TAS1R3: variants seen among roughly 807,000 people sequenced by gnomAD.
The protein encoded by TAS1R3 is taste 1 receptor member 3, also known as taste receptor type 1 member 3.
Under a neutral mutation model 46.1 loss-of-function variants are expected in TAS1R3, and 58 were observed. The observed-to-expected ratio is 1.26, with a 90% CI of 1.02 to 1.57. TAS1R3 has a LOEUF of 1.57. TAS1R3 is among the 40% of genes most tolerant of loss of function. The probability of loss-of-function intolerance (pLI) is 0.00; values close to 1 mark genes in which losing one functional copy is unlikely to be tolerated. For missense variants in TAS1R3, 1,422 were observed against 1,185.8 expected, an observed-to-expected ratio of 1.20 and a Z score of -2.93; for synonymous variants, 724 against 544.7, an observed-to-expected ratio of 1.33 and a Z score of -4.58.
rs548456115 is a variant in TAS1R3, at chr1:1,332,739, C to T, written c.1208C>T (p.Ala403Val). Residue 403 changes from alanine (A) to valine (V), a missense_variant, in exon 3 of 6, where the codon GCC becomes GTC. Ala to Val is a moderately conservative substitution (Grantham distance 64). Coordinates refer to ENST00000339381, the MANE Select transcript of TAS1R3 (RefSeq NM_152228.3). ...GCAGCTGTGTATAGCGTGGCCCAGG[C>T]CCTGCACAACACTCTTCAGTGCAAC... ...VYAAVYSVAQALHNTLQCNAS... is the reference protein window; with the variant it reads ...VYAAVYSVAQVLHNTLQCNAS... 1.4e-5 allele frequency: 23 copies of T among 1,604,974 alleles called. No homozygotes were observed. In the East Asian group the frequency reaches 4.9e-4, roughly 34 times the overall value.
chr1:1,333,422 G>A (rs778107150), intron 5 of TAS1R3, 43 bp downstream of exon 5: 3 of 1,609,584 alleles, frequency 1.9e-6, no homozygotes, highest in East Asian at 4.5e-5. Context: ...ACGCAGCAGG[G>A]GAGGGTCCTG....
Position 1,332,228 on chromosome 1 carries a change from C to T in TAS1R3, c.697C>T (p.Arg233Cys), listed in dbSNP as rs201779076. Reference sequence around the variant, plus strand: ...CATCTTCTCGGCCCTGGCCGCGGCACGCGGCATCTGCATCGCGCACGAGGG... The same window carrying T: ...CATCTTCTCGGCCCTGGCCGCGGCATGCGGCATCTGCATCGCGCACGAGGG... The part of the protein sequence containing the change: ...LSIFSALAAA[R>C]GICIAHEGLV... The change falls in exon 3 of 6, where the codon CGC becomes TGC. Residue 233 changes from arginine (R) to cysteine (C), a missense_variant. Arg to Cys is a radical substitution (Grantham distance 180). Coordinates refer to ENST00000339381, the MANE Select transcript of TAS1R3 (RefSeq NM_152228.3). 1.5e-4 allele frequency: 240 copies of T among 1,593,042 alleles called. 1 individual carries two copies. The African/African-American group carries it at 2.7e-3, about 18-fold the overall frequency.
chr1:1,334,614 G>A lies in TAS1R3; in HGVS notation c.*150G>A, dbSNP rs536636748. ...GACCCTGACCCCACAGTGAGCCCTA[G>A]GCCTGGAGCACGTGGACACCCCTGT... On this transcript the variant is annotated 3_prime_UTR_variant, in exon 6 of 6. Coordinates refer to ENST00000339381, the MANE Select transcript of TAS1R3 (RefSeq NM_152228.3). 3.1e-4 allele frequency: 273 copies of A among 885,314 alleles called. 1 individual carries two copies. In the Middle Eastern group the frequency reaches 3.5e-3, roughly 11 times the overall value. 54.8% of individuals were successfully genotyped at this position (885,314 alleles called of 1,614,324 possible). A position where few individuals can be genotyped will look rare whatever the true frequency, so the allele number is the denominator to read the frequency against.
In TAS1R3 at chr1:1,331,297, C is replaced by T. The variant is rs976818240; in HGVS notation, c.-49C>T. 2.0e-6 allele frequency: 3 copies of T among 1,518,698 alleles called. No homozygotes were observed. The highest frequency in any genetic ancestry group is 1.3e-5 in the South Asian group (1 of 76,836). 94.1% of individuals were successfully genotyped at this position (1,518,698 alleles called of 1,614,324 possible). Reference sequence around the variant, plus strand: ...CGCCCCGGGCTCACTCCATGTGAGGCCCCAGTCGGGGCAGCCACCTGCCGT... The same window carrying T: ...CGCCCCGGGCTCACTCCATGTGAGGTCCCAGTCGGGGCAGCCACCTGCCGT... On this transcript the variant is annotated 5_prime_UTR_variant, in exon 1 of 6. Transcript: ENST00000339381.
At position 1,333,591 on chromosome 1, in the gene TAS1R3, G is replaced by A; in HGVS notation, c.1686G>A (p.Leu562=). The part of the protein sequence containing the change: ...TRCFRRRSRF[L]AWGEPAVLLL... The stretch of plus-strand genomic sequence containing the variant: ...GCTTCCGCCGCAGGTCTCGGTTCCT[G>A]GCATGGGGCGAGCCGGCTGTGCTGC... The change falls in exon 6 of 6, where the codon CTG becomes CTA. Residue 562 remains leucine (L), a synonymous_variant. Coordinates refer to ENST00000339381, the MANE Select transcript of TAS1R3 (RefSeq NM_152228.3). The A allele has an allele frequency of 6.2e-7, 1 of 1,608,744 alleles. No homozygotes were observed. Among genetic ancestry groups the A allele is most frequent in the Non-Finnish European group, 8.5e-7 (1 of 1,179,934 alleles).
In TAS1R3 at chr1:1,333,747, G is replaced by A; in HGVS notation, c.1842G>A (p.Leu614=). 6.2e-7 allele frequency: 1 copy of A among 1,601,788 alleles called. No homozygotes were observed. The highest frequency in any genetic ancestry group is 8.5e-7 in the Non-Finnish European group (1 of 1,176,296). ...GPLACFGLVC[L]GLVCLSVLLF... ...TGGCCTGCTTTGGCCTGGTGTGCCT[G>A]GGCCTGGTCTGCCTCAGCGTCCTCC... The change falls in exon 6 of 6, where the codon CTG becomes CTA. Residue 614 remains leucine, a synonymous_variant. Transcript: ENST00000339381.
At position 1,332,092 on chromosome 1, in the gene TAS1R3, G is replaced by A; in HGVS notation, c.561G>A (p.Val187=). The change falls in exon 3 of 6, where the codon GTG becomes GTA. Residue 187 remains valine (V), a synonymous_variant. Coordinates refer to ENST00000339381, the MANE Select transcript of TAS1R3 (RefSeq NM_152228.3). Reference sequence around the variant, plus strand: ...CCTTCCCCTCCTTCTTCCGCACCGTGCCCAGCGACCGTGTGCAGCTGACGG... The same window carrying A: ...CCTTCCCCTCCTTCTTCCGCACCGTACCCAGCGACCGTGTGCAGCTGACGG... The part of the protein sequence containing the change: ...RETFPSFFRT[V]PSDRVQLTAA... 6 of 1,601,396 alleles carry A rather than the reference G, an allele frequency of 3.7e-6. No homozygotes were observed. Among genetic ancestry groups the A allele is most frequent in the African/African-American group, 1.3e-5 (1 of 75,036 alleles).
chr1:1,334,144 G>A lies in TAS1R3; in HGVS notation c.2239G>A (p.Gly747Ser). Residue 747 changes from glycine (G) to serine (S), a missense_variant, in exon 6 of 6, where the codon GGC (glycine) becomes AGC (serine). Gly to Ser is a moderately conservative substitution (Grantham distance 56). Coordinates refer to ENST00000339381, the MANE Select transcript of TAS1R3 (RefSeq NM_152228.3). ...CACGCTGGCCTTTCTCTGCTTCCTG[G>A]GCACTTTCCTGGTGCGGAGCCAGCC... ...NATLAFLCFL[G>S]TFLVRSQPGC... The A allele has an allele frequency of 6.3e-7, 1 of 1,583,138 alleles. No homozygotes were observed. The highest frequency in any genetic ancestry group is 8.6e-7 in the Non-Finnish European group (1 of 1,164,566).
chr1:1,333,675 C>T lies in TAS1R3; in HGVS notation c.1770C>T (p.Phe590=), dbSNP rs1286228062. The T allele has an allele frequency of 4.3e-6, 7 of 1,611,840 alleles. No homozygotes were observed. The highest frequency in any genetic ancestry group is 3.3e-4 in the Middle Eastern group (2 of 6,074). ...LGLVLAALGL[F]VHHRDSPLVQ... Reference sequence around the variant, plus strand: ...TTGTGCTGGCTGCTTTGGGGCTGTTCGTTCACCATCGGGACAGCCCACTGG... The same window carrying T: ...TTGTGCTGGCTGCTTTGGGGCTGTTTGTTCACCATCGGGACAGCCCACTGG... Residue 590 remains phenylalanine, a synonymous_variant, in exon 6 of 6, where the codon TTC becomes TTT. Transcript: ENST00000339381.
In TAS1R3 at chr1:1,332,786, G is replaced by A. The variant is rs1016288492; in HGVS notation, c.1255G>A (p.Asp419Asn). The A allele has an allele frequency of 3.1e-6, 5 of 1,605,356 alleles. No individual in the cohort carries two copies. Among genetic ancestry groups the A allele is most frequent in the Middle Eastern group, 3.3e-4 (2 of 6,078 alleles). Residue 419 changes from aspartate to asparagine, a missense_variant, in exon 3 of 6, where the codon GAC becomes AAC. Coordinates refer to ENST00000339381, the MANE Select transcript of TAS1R3 (RefSeq NM_152228.3). ...CAACGCCTCAGGCTGCCCCGCGCAG[G>A]ACCCCGTGAAGCCCTGGCAGGTGAG... is the stretch of plus-strand genomic sequence containing the variant. Reference protein sequence around the residue: ...QCNASGCPAQDPVKPWQLLEN... With the variant: ...QCNASGCPAQNPVKPWQLLEN...
Position 1,332,792 on chromosome 1 carries a change from G to C in TAS1R3, c.1261G>C (p.Val421Leu). The part of the protein sequence containing the change: ...NASGCPAQDP[V>L]KPWQLLENMY... ...CTCAGGCTGCCCCGCGCAGGACCCC[G>C]TGAAGCCCTGGCAGGTGAGCCCGGG... The change falls in exon 3 of 6, where the codon GTG becomes CTG. Residue 421 changes from valine to leucine, a missense_variant. Transcript: ENST00000339381. 6.2e-7 allele frequency: 1 copy of C among 1,604,540 alleles called. No homozygotes were observed. Among genetic ancestry groups the C allele is most frequent in the Non-Finnish European group, 8.5e-7 (1 of 1,177,236 alleles).
chr1:1,331,944 C>T lies in TAS1R3; in HGVS notation c.492+6C>T, dbSNP rs369216792. The T allele has an allele frequency of 2.0e-5, 32 of 1,599,912 alleles. 1 individual carries two copies. The highest frequency in any genetic ancestry group is 5.5e-5 in the South Asian group (5 of 90,874). ...GCTTCTTCCTCATGCCCCAGGTGGG[C>T]GCCCCCCACCATCACCCACCCCCAC... On this transcript the variant is annotated splice_donor_region_variant and intron_variant, in intron 2 of 5. Coordinates refer to ENST00000339381, the MANE Select transcript of TAS1R3 (RefSeq NM_152228.3).
chr1:1,332,370 C>T lies in TAS1R3; in HGVS notation c.839C>T (p.Ala280Val), dbSNP rs1434444161. The change falls in exon 3 of 6, where the codon GCC (alanine) becomes GTC (valine). Residue 280 changes from alanine (A) to valine (V), a missense_variant. Coordinates refer to ENST00000339381, the MANE Select transcript of TAS1R3 (RefSeq NM_152228.3). ...VVLLFASVHAAHALFNYSISS... is the reference protein window; with the variant it reads ...VVLLFASVHAVHALFNYSISS... Reference sequence around the variant, plus strand: ...CTGCTGTTCGCCTCCGTGCACGCCGCCCACGCCCTCTTCAACTACAGCATC... The same window carrying T: ...CTGCTGTTCGCCTCCGTGCACGCCGTCCACGCCCTCTTCAACTACAGCATC... 6.2e-7 allele frequency: 1 copy of T among 1,600,196 alleles called. No homozygotes were observed. Among genetic ancestry groups the T allele is most frequent in the Non-Finnish European group, 8.5e-7 (1 of 1,174,688 alleles).
In TAS1R3 at chr1:1,332,311, G is replaced by A. The variant is rs765149357; in HGVS notation, c.780G>A (p.Leu260=). Residue 260 remains leucine (L), a synonymous_variant, in exon 3 of 6, where the codon CTG becomes CTA. Transcript: ENST00000339381. ...GGCTGGGGAAGGTGCAGGACGTCCT[G>A]CACCAGGTGAACCAGAGCAGCGTGC... is the stretch of plus-strand genomic sequence containing the variant. ...DSRLGKVQDV[L]HQVNQSSVQV... is the part of the protein sequence containing the mutation. The A allele has an allele frequency of 6.2e-7, 1 of 1,606,708 alleles. No homozygotes were observed.
rs768155259 is a variant in TAS1R3, at chr1:1,334,169, C to A, written c.2264C>A (p.Pro755Gln). ...GGCACTTTCCTGGTGCGGAGCCAGC[C>A]GGGCTGCTACAACCGTGCCCGTGGC... is the stretch of plus-strand genomic sequence containing the variant. The part of the protein sequence containing the change: ...FLGTFLVRSQ[P>Q]GCYNRARGLT... The change falls in exon 6 of 6, where the codon CCG (proline) becomes CAG (glutamine). Residue 755 changes from proline (P) to glutamine (Q), a missense_variant. Transcript: ENST00000339381. The A allele has an allele frequency of 3.1e-6, 5 of 1,590,906 alleles. No homozygotes were observed. The highest frequency in any genetic ancestry group is 1.8e-5 in the Admixed American group (1 of 56,374).
At chr1:1,333,150 C>T (rs752529170) in intron 4 of TAS1R3, 26 bp downstream of exon 4, 12 of 1,603,886 alleles carry the variant, frequency 7.5e-6, no homozygotes, top group South Asian at 1.1e-5. Context: ...GTGTGCCAGG[C>T]GTGCCCGTGG....
rs1041883194 is a variant in TAS1R3, at chr1:1,334,576, C to G, written c.*112C>G. 1 of 1,255,276 alleles carries G rather than the reference C, an allele frequency of 8.0e-7. No individual in the cohort carries two copies. Among genetic ancestry groups the G allele is most frequent in the Non-Finnish European group, 1.1e-6 (1 of 934,904 alleles). 77.8% of individuals were successfully genotyped at this position (1,255,276 alleles called of 1,614,324 possible). A position where few individuals can be genotyped will look rare whatever the true frequency, so the allele number is the denominator to read the frequency against. ...ACCCTCCCGCTCTAGGTTCTGACCC[C>G]AGGTTGTCTCCTGACCCTGACCCCA... On this transcript the variant is annotated 3_prime_UTR_variant, in exon 6 of 6. Transcript: ENST00000339381.
In TAS1R3 at chr1:1,333,521, C is replaced by A. The variant is rs371784258; in HGVS notation, c.1616C>A (p.Thr539Asn). The change falls in exon 6 of 6, where the codon ACC becomes AAC. Residue 539 changes from threonine to asparagine, a missense_variant. Thr to Asn is a moderately conservative substitution (Grantham distance 65, BLOSUM62 0). Coordinates refer to ENST00000339381, the MANE Select transcript of TAS1R3 (RefSeq NM_152228.3). Reference sequence around the variant, plus strand: ...TCTCTCACAGACGACATCGCCTGCACCTTTTGTGGCCAGGATGAGTGGTCC... The same window carrying A: ...TCTCTCACAGACGACATCGCCTGCAACTTTTGTGGCCAGGATGAGTGGTCC... ...YRQNPDDIAC[T>N]FCGQDEWSPE... The A allele has an allele frequency of 3.7e-6, 6 of 1,602,310 alleles. No homozygotes were observed. The African/African-American group carries it at 8.0e-5, about 21-fold the overall frequency.
At position 1,334,040 on chromosome 1, in the gene TAS1R3, A is replaced by C; in HGVS notation, c.2135A>C (p.His712Pro). 1.9e-6 allele frequency: 3 copies of C among 1,601,894 alleles called. No homozygotes were observed. Among genetic ancestry groups the C allele is most frequent in the Non-Finnish European group, 1.7e-6 (2 of 1,179,362 alleles). The part of the protein sequence containing the change: ...AFPPEVVTDW[H>P]MLPTEALVHC... ...CCGCCGGAGGTGGTGACGGACTGGCACATGCTGCCCACGGAGGCGCTGGTG... is the reference window on the plus strand; with the variant it reads ...CCGCCGGAGGTGGTGACGGACTGGCCCATGCTGCCCACGGAGGCGCTGGTG... Residue 712 changes from histidine to proline, a missense_variant, in exon 6 of 6, where the codon CAC becomes CCC. Transcript: ENST00000339381.
Sources: gnomAD v4.1 joint callset for allele counts on GRCh38, gnomAD v4.1.1 for gene constraint, MANE v1.5 for transcripts, NCBI Gene and HGNC (gene_info 2026-07-23, HGNC 2026-07-21) for gene names.